The following WWOX variants were observed in gnomAD, a reference collection of about 807,000 sequenced individuals.
WWOX encodes the protein WW domain containing oxidoreductase, also known as WW domain-containing oxidoreductase.
In WWOX, 69 loss-of-function variants were observed where a neutral mutation model predicts 46.2. That is an observed-to-expected ratio of 1.49 (90% CI 1.23 to 1.82). WWOX has a LOEUF of 1.82. Among genes scored for constraint, WWOX ranks in the 40% most tolerant of loss-of-function variants. WWOX has a pLI of 0.00. For missense variants in WWOX, 919 were observed against 542.6 expected (o/e 1.69, Z -6.89); for synonymous variants, 359 against 202.6 (o/e 1.77, Z -6.56).
intron 5 of WWOX, among the ~76,000 whole-genome samples, chr16:78,320,331 T>C (rs1174016895): frequency 6.6e-6 from 1 of 152,172 alleles, no homozygotes. Flanking sequence ...TCGGTGTAGG[T>C]TGTCATACTA....
chr16:78,776,356 T>C (rs1466377831), intron 8 of WWOX, among the ~76,000 whole-genome samples: 1 of 152,120 alleles, frequency 6.6e-6, no homozygotes, highest in African/African-American at 2.4e-5. Context: ...CCCCTCTGCC[T>C]GGAGTCCTGC....
Position 78,817,172 on chromosome 16 carries a change from CTT to C in WWOX, c.1056+384446_1056+384447del, listed in dbSNP as rs33981779. Reference sequence around the variant, plus strand: ...GTTTTTCTTAAACATTAGTGCTATTCTTTTTTTTTTTTTTTTTTTTTTTTTTT... The same window carrying C: ...GTTTTTCTTAAACATTAGTGCTATTCTTTTTTTTTTTTTTTTTTTTTTTTT... On this transcript the variant is annotated intron_variant, in intron 8 of 8. Transcript: ENST00000566780. Among the ~76,000 whole-genome samples the C allele has an allele frequency of 6.9e-3, 355 of 51,552 alleles. 5 individuals carry two copies. The highest frequency in any genetic ancestry group is 0.025 in the African/African-American group (338 of 13,618). The allele number at this position is 51,552 out of a possible 152,430, so 33.8% of individuals were successfully genotyped here. A position where few individuals can be genotyped will look rare whatever the true frequency, so the allele number is the denominator to read the frequency against.
At chr16:78,526,955 A>T (rs985852176) in intron 8 of WWOX, among the ~76,000 whole-genome samples, 4 of 152,212 alleles carry the variant, frequency 2.6e-5, no homozygotes, top group Admixed American at 1.3e-4. Context: ...ACCTGAGGTC[A>T]GGAGTTCAAG....
intron 8 of WWOX, among the ~76,000 whole-genome samples, chr16:78,988,075 G>T (rs1004372901): frequency 6.6e-6 from 1 of 152,090 alleles, no homozygotes; most frequent in Non-Finnish European, 1.5e-5. Flanking sequence ...TGGTGCTGTG[G>T]GTCACGCCTG....
chr16:78,671,163 C>T (rs1386538996), intron 8 of WWOX, among the ~76,000 whole-genome samples: 2 of 152,224 alleles, frequency 1.3e-5, no homozygotes, highest in Non-Finnish European at 2.9e-5. Flanking sequence ...TGGCTCATGC[C>T]TGTAATCCCA....
chr16:78,720,445 C>T (rs1380464943), intron 8 of WWOX, among the ~76,000 whole-genome samples: 3 of 149,872 alleles, frequency 2.0e-5, no homozygotes, highest in South Asian at 2.1e-4. Flanking sequence ...TTTTGAAATT[C>T]CCAATTTGCA....
At chr16:78,682,687 A>G (rs2047758101) in intron 8 of WWOX, among the ~76,000 whole-genome samples, 1 of 152,170 alleles carries the variant, frequency 6.6e-6, no homozygotes, top group African/African-American at 2.4e-5. Context: ...TGGCCTGGGA[A>G]ATATAGCAAG....
At chr16:78,296,732 G>A (rs2079949327) in intron 5 of WWOX, among the ~76,000 whole-genome samples, 1 of 152,064 alleles carries the variant, frequency 6.6e-6, no homozygotes, top group African/African-American at 2.4e-5. Flanking sequence ...CTGCTGTTGT[G>A]TTTGTGCATT....
chr16:78,943,009 C>G (rs1236565837), intron 8 of WWOX, among the ~76,000 whole-genome samples: 4 of 152,184 alleles, frequency 2.6e-5, no homozygotes, highest in Non-Finnish European at 4.4e-5. Context: ...GAAAGCCTGC[C>G]TTTCTGCGTT....
chr16:78,245,589 A>G (rs1295674395), intron 5 of WWOX, among the ~76,000 whole-genome samples: 1 of 152,174 alleles, frequency 6.6e-6, no homozygotes, highest in Admixed American at 6.5e-5. Flanking sequence ...GATGGGCCAA[A>G]TAACCAGCTT....
chr16:79,053,537 C>T (rs752644037), intron 8 of WWOX, among the ~76,000 whole-genome samples: 2 of 152,084 alleles, frequency 1.3e-5, no homozygotes, highest in Non-Finnish European at 2.9e-5. Context: ...TTGCTTAATC[C>T]TCTGAGTGGA....
At chr16:79,094,077 C>G (rs1487082702) in intron 8 of WWOX, among the ~76,000 whole-genome samples, 2 of 152,120 alleles carry the variant, frequency 1.3e-5, no homozygotes, top group Non-Finnish European at 2.9e-5. Context: ...AAAGTGCCCA[C>G]CTAGCACTCA....
At chr16:78,891,113 T>G (rs1010448817) in intron 8 of WWOX, 1 of 152,210 alleles carries the variant, frequency 6.6e-6, no homozygotes, top group Non-Finnish European at 1.5e-5. Context: ...TCAGATAATT[T>G]TTCTCAAAAC....
intron 8 of WWOX, among the ~76,000 whole-genome samples, chr16:78,844,443 G>A (rs550944738): frequency 6.6e-6 from 1 of 152,198 alleles, no homozygotes; most frequent in South Asian, 2.1e-4. Flanking sequence ...CAGTCTCACT[G>A]AAGATAATAG....
At chr16:78,375,239 C>T (rs12598722) in intron 5 of WWOX, among the ~76,000 whole-genome samples, 1 of 152,196 alleles carries the variant, frequency 6.6e-6, no homozygotes, top group Non-Finnish European at 1.5e-5. Flanking sequence ...ACTGCATATT[C>T]TGCATACCAA....
chr16:78,673,526 T>A (rs77392973), intron 8 of WWOX, among the ~76,000 whole-genome samples: 6,110 of 152,234 alleles, frequency 0.04, 408 homozygotes, highest in African/African-American at 0.14. Flanking sequence ...AAGCCTTGCA[T>A]ACTTGATTGG....
intron 8 of WWOX, among the ~76,000 whole-genome samples, chr16:78,733,517 G>T (rs1029154482): frequency 6.6e-6 from 1 of 151,748 alleles, no homozygotes; most frequent in Non-Finnish European, 1.5e-5. Flanking sequence ...GGAGGACGAG[G>T]TGGGCGGATC....
At chr16:78,566,043 T>C (rs1597276962) in intron 8 of WWOX, among the ~76,000 whole-genome samples, 1 of 152,156 alleles carries the variant, frequency 6.6e-6, no homozygotes, top group South Asian at 2.1e-4. Flanking sequence ...GGCTGGGAAG[T>C]CCAAGGTGAA....
chr16:78,630,277 C>G (rs1461875722), intron 8 of WWOX, among the ~76,000 whole-genome samples: 1 of 152,142 alleles, frequency 6.6e-6, no homozygotes. Flanking sequence ...GTACAGCAGA[C>G]TGTCGCAAGC....
Sources: allele counts gnomAD v4.1 joint callset (sites outside exome capture counted in the v4.1 genomes callset), GRCh38; gene constraint gnomAD v4.1.1; transcripts MANE v1.5; gene names NCBI Gene and HGNC (gene_info 2026-07-23, HGNC 2026-07-21).